The following NF1 variants were observed in gnomAD, a reference collection of about 807,000 sequenced individuals.
NF1 encodes neurofibromin.
In NF1, 122 loss-of-function variants were observed where a neutral mutation model predicts 325.7. That is an observed-to-expected ratio of 0.37 (90% CI 0.32 to 0.44). The LOEUF (loss-of-function observed/expected upper bound fraction) is 0.44, where lower values mean the gene tolerates loss of function less well. Among genes scored for constraint, NF1 ranks in the 20% least tolerant of loss-of-function variants. The probability of loss-of-function intolerance (pLI) is 1.00; values close to 1 mark genes in which losing one functional copy is unlikely to be tolerated. For missense variants in NF1, 2,140 were observed against 3,415.4 expected (o/e 0.63, Z 9.31); for synonymous variants, 1,091 against 1,186.0 (o/e 0.92, Z 1.65).
Position 31,235,724 on chromosome 17 carries a change from C to T in NF1, c.3822C>T (p.Leu1274=), listed in dbSNP as rs1489818104. The change falls in exon 28 of 58, where the codon CTC becomes CTT. Residue 1274 remains leucine (L), a synonymous_variant. Coordinates refer to ENST00000358273, the MANE Select transcript of NF1 (RefSeq NM_001042492.3). The part of the protein sequence containing the change: ...EVELADSMQT[L]FRGNSLASKI... ...AATTGGCAGACTCCATGCAGACTCT[C>T]TTCCGAGGCAACAGCTTGGCCAGTA... is the stretch of plus-strand genomic sequence containing the variant. 6.2e-7 allele frequency: 1 copy of T among 1,614,022 alleles called. No individual in the cohort carries two copies. The highest frequency in any genetic ancestry group is 8.5e-7 in the Non-Finnish European group (1 of 1,180,026).
At chr17:31,204,060 T>A (rs960827292) in intron 11 of NF1, among the ~76,000 whole-genome samples, 1 of 151,978 alleles carries the variant, frequency 6.6e-6, no homozygotes, top group African/African-American at 2.4e-5. Flanking sequence ...AAGAGATGAA[T>A]TAATAGTTGT....
At chr17:31,289,623 A>G (rs967351137) in intron 36 of NF1, among the ~76,000 whole-genome samples, 13 of 152,050 alleles carry the variant, frequency 8.5e-5, no homozygotes, top group African/African-American at 3.1e-4. Flanking sequence ...CGTTTTCCAC[A>G]TTTCACACTT....
Position 31,225,231 on chromosome 17 carries a change from G to C in NF1, c.1982G>C (p.Gly661Ala). 1 of 1,613,718 alleles carries C rather than the reference G, an allele frequency of 6.2e-7. No individual in the cohort carries two copies. Among genetic ancestry groups the C allele is most frequent in the Non-Finnish European group, 8.5e-7 (1 of 1,179,740 alleles). ...ACTCCTGGAGCCTCTCTCCGGAAGGGAAAAGGGAACTCCTCTATGGTCAGC... is the reference window on the plus strand; with the variant it reads ...ACTCCTGGAGCCTCTCTCCGGAAGGCAAAAGGGAACTCCTCTATGGTCAGC... ...LRTPGASLRK[G>A]KGNSSMDSAA... is the part of the protein sequence containing the mutation. The change falls in exon 17 of 58, where the codon GGA (glycine) becomes GCA (alanine). Residue 661 changes from glycine to alanine, a missense_variant. Gly to Ala is a moderately conservative substitution (Grantham distance 60, BLOSUM62 0). Coordinates refer to ENST00000358273, the MANE Select transcript of NF1 (RefSeq NM_001042492.3).
intron 54 of NF1, 91 bp from the exon 55 acceptor site, chr17:31,358,389 A>G: frequency 2.2e-6 from 3 of 1,339,806 alleles, no homozygotes; most frequent in Non-Finnish European, 3.1e-6. Flanking sequence ...TTGGCACATT[A>G]TTCTGGGGAA....
intron 1 of NF1, among the ~76,000 whole-genome samples, chr17:31,103,623 A>G (rs2143232102): frequency 6.6e-6 from 1 of 152,218 alleles, no homozygotes; most frequent in East Asian, 1.9e-4. Flanking sequence ...CAGCCTCCCA[A>G]AGTGCTGGGA....
chr17:31,330,174 A>G, intron 38 of NF1, 122 bp from the exon 39 acceptor site: 1 of 851,444 alleles, frequency 1.2e-6, no homozygotes, highest in Non-Finnish European at 1.9e-6. Context: ...CTAACTGATC[A>G]TAAAATTTAA....
At chr17:31,188,226 T>C (rs1288768736) in intron 8 of NF1, among the ~76,000 whole-genome samples, 1 of 152,202 alleles carries the variant, frequency 6.6e-6, no homozygotes, top group African/African-American at 2.4e-5. Flanking sequence ...AAGGTAGTCA[T>C]CAATACCAGC....
intron 36 of NF1, among the ~76,000 whole-genome samples, chr17:31,268,190 T>C (rs1371869630): frequency 6.6e-6 from 1 of 152,178 alleles, no homozygotes; most frequent in Non-Finnish European, 1.5e-5. Flanking sequence ...ACTGCACATC[T>C]GAAATTCCAG....
At chr17:31,373,681 G>A (rs1234267674) in intron 57 of NF1, among the ~76,000 whole-genome samples, 1 of 152,156 alleles carries the variant, frequency 6.6e-6, no homozygotes, top group Non-Finnish European at 1.5e-5. Context: ...CAGTGGTCCC[G>A]AAAGATTATA....
intron 51 of NF1, 63 bp from the exon 52 acceptor site, chr17:31,356,397 G>T: frequency 6.5e-7 from 1 of 1,545,172 alleles, no homozygotes; most frequent in South Asian, 1.1e-5. Flanking sequence ...TTTCTTTTTA[G>T]TGTATTCCCA....
At position 31,340,545 on chromosome 17, in the gene NF1, C is replaced by T. The variant is rs1333790157; in HGVS notation, c.6962C>T (p.Ala2321Val). 1 of 1,614,024 alleles carries T rather than the reference C, an allele frequency of 6.2e-7. No homozygotes were observed. The highest frequency in any genetic ancestry group is 2.2e-5 in the East Asian group (1 of 44,892). Reference sequence around the variant, plus strand: ...AAAGCCCTCTTTTGGGTAGCTGTGGCTGTGCTGCAGCTTGATGAGGTCAAC... The same window carrying T: ...AAAGCCCTCTTTTGGGTAGCTGTGGTTGTGCTGCAGCTTGATGAGGTCAAC... ...LHKALFWVAV[A>V]VLQLDEVNLY... is the part of the protein sequence containing the mutation. The change falls in exon 47 of 58, where the codon GCT (alanine) becomes GTT (valine). Residue 2321 changes from alanine (A) to valine (V), a missense_variant. Ala to Val is a moderately conservative substitution (Grantham distance 64). This residue lies in a region of NF1 where 522 missense variants were observed against 749.0 expected (regional missense o/e 0.70). Transcript: ENST00000358273.
intron 29 of NF1, among the ~76,000 whole-genome samples, chr17:31,241,803 A>G (rs1048750746): frequency 2.0e-5 from 3 of 152,196 alleles, no homozygotes; most frequent in African/African-American, 7.2e-5. Flanking sequence ...TTACAGTGTT[A>G]TAATATTTTG....
intron 36 of NF1, among the ~76,000 whole-genome samples, chr17:31,270,944 C>A (rs558920242): frequency 6.6e-6 from 1 of 152,214 alleles, no homozygotes; most frequent in African/African-American, 2.4e-5. Flanking sequence ...AGGGGCAGGG[C>A]CTTATTTATA....
At chr17:31,345,064 A>G (rs931160327) in intron 48 of NF1, among the ~76,000 whole-genome samples, 11 of 152,228 alleles carry the variant, frequency 7.2e-5, no homozygotes, top group Non-Finnish European at 1.6e-4. Context: ...CAGAGGTTGC[A>G]GTGAGCCAAG....
intron 36 of NF1, chr17:31,272,028 C>A (rs1185336794): frequency 1.3e-5 from 2 of 151,984 alleles, no homozygotes; most frequent in Admixed American, 6.6e-5. Flanking sequence ...CTTGTTTCAG[C>A]ATTTAATAAG....
chr17:31,315,516 T>TA, intron 36 of NF1, among the ~76,000 whole-genome samples: 1 of 152,280 alleles, frequency 6.6e-6, no homozygotes, highest in African/African-American at 2.4e-5. Context: ...TCATTACCCT[T>TA]TAAATATATA....
At chr17:31,371,826 C>T (rs2070647097) in intron 57 of NF1, among the ~76,000 whole-genome samples, 1 of 152,166 alleles carries the variant, frequency 6.6e-6, no homozygotes, top group Admixed American at 6.5e-5. Flanking sequence ...CTGACAAATG[C>T]CCATGTTCCT....
intron 38 of NF1, among the ~76,000 whole-genome samples, chr17:31,329,366 G>A (rs897711246): frequency 6.6e-6 from 1 of 152,152 alleles, no homozygotes; most frequent in Non-Finnish European, 1.5e-5. Context: ...ATCTCTGACA[G>A]CTTCTGCTTT....
chr17:31,340,262 T>C, intron 46 of NF1: 3 of 536,460 alleles, frequency 5.6e-6, no homozygotes, highest in South Asian at 4.3e-5. Flanking sequence ...GGTGACTGGA[T>C]TTAGAAATCA....
Sources: gnomAD v4.1 joint callset for allele counts (sites outside exome capture counted in the v4.1 genomes callset) on GRCh38, gnomAD v4.1.1 for gene constraint, gnomAD v4.1.1 regional missense constraint, MANE v1.5 for transcripts, NCBI Gene and HGNC (gene_info 2026-07-23, HGNC 2026-07-21) for gene names.